Variants in CADM2 observed in about 807,000 individuals in gnomAD.
The protein encoded by CADM2 is cell adhesion molecule 2.
CADM2 carries 12 observed loss-of-function variants against 49.8 expected under a neutral mutation model. The observed-to-expected ratio is 0.24, with a 90% CI of 0.15 to 0.39. The LOEUF (loss-of-function observed/expected upper bound fraction) is 0.39. Among genes scored for constraint, CADM2 ranks in the 10% least tolerant of loss-of-function variants. CADM2 has a pLI of 1.00. For synonymous variants in CADM2, 214 were observed against 175.4 expected (o/e 1.22, Z -1.74); for missense variants, 378 against 492.3 (o/e 0.77, Z 2.20).
chr3:86,005,472 A>G lies in CADM2; in HGVS notation c.970+43825A>G, dbSNP rs1730667322. On this transcript the variant is annotated intron_variant, in intron 8 of 9. Transcript: ENST00000383699. ...AGGCTGAGGCAGGAGAATTGCTGGA[A>G]CCCAGGAGGCAGAGATTGCCGTGAG... is the stretch of plus-strand genomic sequence containing the variant. 2.0e-5 allele frequency among the ~76,000 whole-genome samples: 3 copies of G among 151,802 alleles called. No homozygotes were observed. In the South Asian group the frequency reaches 6.2e-4, roughly 32 times the overall value.
At chr3:85,354,392 C>T (rs149355064) in intron 1 of CADM2, among the ~76,000 whole-genome samples, 2,248 of 149,966 alleles carry the variant, frequency 0.015, 46 homozygotes, top group African/African-American at 0.047. Context: ...TTAAGAGATA[C>T]ACCTAATGCT....
chr3:85,481,117 T>A (rs1260183926), intron 1 of CADM2, among the ~76,000 whole-genome samples: 3 of 151,166 alleles, frequency 2.0e-5, no homozygotes, highest in Non-Finnish European at 4.4e-5. Context: ...TTTTCAATTA[T>A]CAGTTTAGTA....
At chr3:85,052,149 T>C (rs1414673700) in intron 1 of CADM2, among the ~76,000 whole-genome samples, 1 of 152,174 alleles carries the variant, frequency 6.6e-6, no homozygotes, top group Non-Finnish European at 1.5e-5. Flanking sequence ...AATAGTCTTT[T>C]ATAGCTAGAT....
chr3:85,177,846 T>G (rs1559704907), intron 1 of CADM2, among the ~76,000 whole-genome samples: 1 of 151,948 alleles, frequency 6.6e-6, no homozygotes, highest in Non-Finnish European at 1.5e-5. Context: ...CACATGAAAT[T>G]TTAATCTAAT....
chr3:85,161,388 G>A (rs951925585), intron 1 of CADM2, among the ~76,000 whole-genome samples: 3 of 152,072 alleles, frequency 2.0e-5, no homozygotes, highest in African/African-American at 7.2e-5. Flanking sequence ...TATGCCAGAG[G>A]TACGCCCTGG....
intron 1 of CADM2, among the ~76,000 whole-genome samples, chr3:85,209,901 G>T (rs1182012600): frequency 2.0e-5 from 3 of 152,134 alleles, no homozygotes; most frequent in African/African-American, 7.2e-5. Flanking sequence ...ACTCAAAATA[G>T]CAGAGAGAAG....
At position 85,184,943 on chromosome 3, in the gene CADM2, G is replaced by A. The variant is rs1479781495; in HGVS notation, c.61+225275G>A. Among the ~76,000 whole-genome samples, 3 of 152,076 alleles carry A rather than the reference G, an allele frequency of 2.0e-5. No individual in the cohort carries two copies. In the South Asian group the frequency reaches 6.2e-4, roughly 31 times the overall value. ...GGGCTTTGCTTTAAATTAAGGCAAA[G>A]CAGCTGCCTTTGTGGAATACTCAGT... is the stretch of plus-strand genomic sequence containing the variant. On this transcript the variant is annotated intron_variant, in intron 1 of 9. Transcript: ENST00000383699.
chr3:85,740,905 G>T (rs1348110278), intron 2 of CADM2, among the ~76,000 whole-genome samples: 1 of 152,044 alleles, frequency 6.6e-6, no homozygotes, highest in Non-Finnish European at 1.5e-5. Flanking sequence ...TTTAGATCTT[G>T]GTTCTATACT....
intron 1 of CADM2, among the ~76,000 whole-genome samples, chr3:85,581,780 T>G (rs568708740): frequency 6.6e-6 from 1 of 152,054 alleles, no homozygotes; most frequent in Admixed American, 6.6e-5. Flanking sequence ...AATAAAGACA[T>G]TATCAGACAT....
At chr3:85,367,077 T>C (rs1337302376) in intron 1 of CADM2, among the ~76,000 whole-genome samples, 3 of 152,030 alleles carry the variant, frequency 2.0e-5, no homozygotes, top group Non-Finnish European at 1.5e-5. Context: ...ATACCATAAA[T>C]TGATGTGTCC....
chr3:85,738,582 C>A (rs890020038), intron 2 of CADM2, among the ~76,000 whole-genome samples: 13 of 152,144 alleles, frequency 8.5e-5, no homozygotes, highest in Admixed American at 5.9e-4. Context: ...TTTATTAGAG[C>A]AAAATATGTG....
intron 1 of CADM2, among the ~76,000 whole-genome samples, chr3:85,249,693 A>G (rs2042730142): frequency 6.6e-6 from 1 of 151,988 alleles, no homozygotes; most frequent in South Asian, 2.1e-4. Flanking sequence ...AAAATGCAAT[A>G]AGACCATAAG....
intron 1 of CADM2, among the ~76,000 whole-genome samples, chr3:85,600,042 G>T (rs2063348628): frequency 6.6e-6 from 1 of 151,938 alleles, no homozygotes; most frequent in South Asian, 2.1e-4. Context: ...TTAAAGCTAA[G>T]AAATATTTAA....
chr3:85,602,698 A>G (rs572399139), intron 1 of CADM2, among the ~76,000 whole-genome samples: 15 of 151,872 alleles, frequency 9.9e-5, no homozygotes, highest in Admixed American at 5.3e-4. Context: ...TAATCCTGCA[A>G]AATACTTTGG....
chr3:85,541,773 T>TTATATATATATATATATATATATATATA (rs1491578244), intron 1 of CADM2, among the ~76,000 whole-genome samples: 1 of 6,182 alleles, frequency 1.6e-4, no homozygotes, highest in African/African-American at 2.4e-4. Context: ...ATATTTTATA[T>TTATATATATATATATATATATATATATA]TTTATATATA....
At chr3:85,840,217 A>G (rs973026284) in intron 3 of CADM2, among the ~76,000 whole-genome samples, 2 of 151,880 alleles carry the variant, frequency 1.3e-5, no homozygotes, top group Non-Finnish European at 2.9e-5. Flanking sequence ...TCCCTTTAAT[A>G]AGTACATCAA....
intron 1 of CADM2, among the ~76,000 whole-genome samples, chr3:85,387,035 C>T (rs1248254271): frequency 6.6e-6 from 1 of 152,070 alleles, no homozygotes; most frequent in Non-Finnish European, 1.5e-5. Flanking sequence ...GTCTGGGTTC[C>T]TAAAGCAATC....
chr3:85,175,425 T>C (rs914795436), intron 1 of CADM2, among the ~76,000 whole-genome samples: 2 of 152,154 alleles, frequency 1.3e-5, no homozygotes, highest in African/African-American at 2.4e-5. Context: ...CATTATTCAG[T>C]TTTTTAAAAA....
intron 1 of CADM2, among the ~76,000 whole-genome samples, chr3:85,621,064 A>T (rs1476529940): frequency 2.0e-5 from 3 of 152,114 alleles, no homozygotes; most frequent in Admixed American, 6.6e-5. Context: ...ATTCTTCAAT[A>T]ATGGGAGGCA....
Sources: allele counts gnomAD v4.1 joint callset (sites outside exome capture counted in the v4.1 genomes callset), GRCh38; gene constraint gnomAD v4.1.1; transcripts MANE v1.5; gene names NCBI Gene and HGNC (gene_info 2026-07-23, HGNC 2026-07-21).